IFT43: variants seen among roughly 807,000 people sequenced by gnomAD.
IFT43 encodes intraflagellar transport 43.
A neutral mutation model predicts 32.3 loss-of-function variants in IFT43; 33 were observed. That is an observed-to-expected ratio of 1.02 (90% CI 0.77 to 1.37). The LOEUF is 1.37. Among genes scored for constraint, IFT43 ranks in the 40% most tolerant of loss-of-function variants. The pLI, the probability that IFT43 is intolerant of heterozygous loss-of-function variation, is 0.00. For missense variants in IFT43, 274 were observed against 265.9 expected (o/e 1.03, Z -0.21); for synonymous variants, 93 against 98.2 (o/e 0.95, Z 0.31).
intron 3 of IFT43, among the ~76,000 whole-genome samples, chr14:76,045,121 AT>A (rs2036781197): frequency 6.6e-6 from 1 of 152,154 alleles, no homozygotes; most frequent in Admixed American, 6.5e-5. Flanking sequence ...CTAAATATGT[AT>A]TTCTTATTAT....
At chr14:76,021,833 C>A (rs1291542761) in intron 2 of IFT43, among the ~76,000 whole-genome samples, 1 of 152,164 alleles carries the variant, frequency 6.6e-6, no homozygotes, top group Non-Finnish European at 1.5e-5. Context: ...TATGACTCAC[C>A]GGGAGGGTAT....
chr14:75,993,581 C>T (rs1221116030), intron 2 of IFT43, among the ~76,000 whole-genome samples: 2 of 152,200 alleles, frequency 1.3e-5, no homozygotes, highest in Admixed American at 6.5e-5. Flanking sequence ...AATCTGGTTG[C>T]CTACAACAGA....
intron 2 of IFT43, among the ~76,000 whole-genome samples, chr14:76,021,442 A>AC (rs2036290218): frequency 6.6e-6 from 1 of 152,230 alleles, no homozygotes; most frequent in East Asian, 1.9e-4. Flanking sequence ...AGTCATGTAC[A>AC]TATAACTCAT....
intron 7 of IFT43, among the ~76,000 whole-genome samples, 188 bp downstream of exon 7, chr14:76,082,880 G>A (rs2140100603): frequency 6.6e-6 from 1 of 152,284 alleles, no homozygotes; most frequent in South Asian, 2.1e-4. Flanking sequence ...ACCCAACATA[G>A]TACAGTGTTT....
chr14:76,082,982 C>T (rs1466192135), intron 7 of IFT43, among the ~76,000 whole-genome samples: 1 of 152,190 alleles, frequency 6.6e-6, no homozygotes, highest in Non-Finnish European at 1.5e-5. Context: ...GTACTGCTGT[C>T]ACACTCGGTC....
intron 3 of IFT43, among the ~76,000 whole-genome samples, chr14:76,026,006 G>C (rs2036386265): frequency 6.6e-6 from 1 of 152,102 alleles, no homozygotes; most frequent in Non-Finnish European, 1.5e-5. Flanking sequence ...AACAGAGTGA[G>C]CAGACAACCT....
chr14:76,016,233 T>C (rs904714456), intron 2 of IFT43, among the ~76,000 whole-genome samples: 1 of 152,184 alleles, frequency 6.6e-6, no homozygotes, highest in Non-Finnish European at 1.5e-5. Context: ...GATTTTTGTA[T>C]ATGGTGAGAG....
chr14:76,029,133 AT>A (rs1220392762), intron 3 of IFT43, among the ~76,000 whole-genome samples: 1 of 152,068 alleles, frequency 6.6e-6, no homozygotes, highest in East Asian at 1.9e-4. Context: ...AACATCTGTT[AT>A]TTTTTGACTT....
At chr14:76,041,338 C>G (rs1301668600) in intron 3 of IFT43, among the ~76,000 whole-genome samples, 2 of 152,150 alleles carry the variant, frequency 1.3e-5, no homozygotes, top group Non-Finnish European at 2.9e-5. Flanking sequence ...GGAAGTGTCC[C>G]TTAAATGATA....
intron 3 of IFT43, among the ~76,000 whole-genome samples, chr14:76,056,310 A>T (rs879602412): frequency 1.3e-5 from 2 of 152,312 alleles, no homozygotes; most frequent in African/African-American, 2.4e-5. Flanking sequence ...ACTCCATTTG[A>T]TCTTTCTTCC....
chr14:76,008,978 A>G (rs2036029460), intron 2 of IFT43, among the ~76,000 whole-genome samples: 1 of 152,184 alleles, frequency 6.6e-6, no homozygotes, highest in South Asian at 2.1e-4. Flanking sequence ...TATTTGTATC[A>G]TTGACAGGTA....
intron 5 of IFT43, among the ~76,000 whole-genome samples, chr14:76,067,067 T>C (rs2037236118): frequency 6.6e-6 from 1 of 152,232 alleles, no homozygotes; most frequent in Non-Finnish European, 1.5e-5. Flanking sequence ...TCTTTCGGTC[T>C]TTCATAGACA....
chr14:76,018,121 C>T (rs2036223203), intron 2 of IFT43, among the ~76,000 whole-genome samples: 1 of 148,990 alleles, frequency 6.7e-6, no homozygotes, highest in South Asian at 2.1e-4. Context: ...ATTTCTAGTT[C>T]CCTGAGGTGT....
At chr14:76,044,458 A>C (rs938925695) in intron 3 of IFT43, among the ~76,000 whole-genome samples, 2 of 152,220 alleles carry the variant, frequency 1.3e-5, no homozygotes, top group African/African-American at 4.8e-5. Context: ...CCATCACCTG[A>C]ATACATTCTT....
intron 3 of IFT43, among the ~76,000 whole-genome samples, chr14:76,029,923 C>T (rs1268924125): frequency 1.1e-5 from 1 of 92,416 alleles, no homozygotes; most frequent in Non-Finnish European, 2.2e-5. Flanking sequence ...TCTCTGTTGC[C>T]CAGGCTGGAG....
Position 75,990,786 on chromosome 14 carries a change from C to T in IFT43, c.147+1809C>T, listed in dbSNP as rs552497230. On this transcript the variant is annotated intron_variant, in intron 2 of 8. Coordinates refer to ENST00000314067, the MANE Select transcript of IFT43 (RefSeq NM_001102564.3). ...TGTATTTAAAGAGAAAACGCGGAAG[C>T]AAATGACTGAGCTGATGGAAGCCAA... 1.6e-4 allele frequency among the ~76,000 whole-genome samples: 25 copies of T among 152,198 alleles called. 1 individual carries two copies. The highest frequency in any genetic ancestry group is 1.0e-3 in the South Asian group (5 of 4,834).
chr14:76,003,862 C>T (rs1329414454), intron 2 of IFT43, among the ~76,000 whole-genome samples: 3 of 151,938 alleles, frequency 2.0e-5, no homozygotes, highest in Non-Finnish European at 4.4e-5. Context: ...ACTGCAACCT[C>T]TGCCTCCCAG....
chr14:76,068,072 A>G (rs964318845), intron 5 of IFT43, among the ~76,000 whole-genome samples: 1 of 152,208 alleles, frequency 6.6e-6, no homozygotes, highest in African/African-American at 2.4e-5. Flanking sequence ...AGCTGACAAC[A>G]GTTTAGTGGA....
chr14:75,993,759 T>C (rs968857044), intron 2 of IFT43, among the ~76,000 whole-genome samples: 34 of 152,196 alleles, frequency 2.2e-4, no homozygotes, highest in Admixed American at 7.9e-4. Context: ...TTTGTTCTCA[T>C]GGTTGCAAGA....
Sources: allele counts gnomAD v4.1 joint callset (sites outside exome capture counted in the v4.1 genomes callset), GRCh38; gene constraint gnomAD v4.1.1; transcripts MANE v1.5; gene names NCBI Gene and HGNC (gene_info 2026-07-23, HGNC 2026-07-21).